The following OGDH variants were observed in gnomAD, a reference collection of about 807,000 sequenced individuals.
OGDH encodes 2-oxoglutarate dehydrogenase complex component E1.
OGDH carries 38 observed loss-of-function variants against 116.6 expected under a neutral mutation model. That is an observed-to-expected ratio of 0.33 (90% CI 0.25 to 0.43). The LOEUF (loss-of-function observed/expected upper bound fraction) is 0.43, where lower values mean the gene tolerates loss of function less well. OGDH is among the 20% of genes least tolerant of loss of function. OGDH has a pLI of 1.00. For synonymous variants in OGDH, 488 were observed against 533.3 expected (o/e 0.92, Z 1.17); for missense variants, 825 against 1,357.2 (o/e 0.61, Z 6.16).
chr7:44,621,848 A>G (rs1008504148), intron 1 of OGDH, among the ~76,000 whole-genome samples: 1 of 150,870 alleles, frequency 6.6e-6, no homozygotes, highest in Non-Finnish European at 1.5e-5. Context: ...TCCAGCCTGG[A>G]CTACAGAGCA....
chr7:44,693,167 G>A (rs893593348), intron 10 of OGDH, among the ~76,000 whole-genome samples: 1 of 152,150 alleles, frequency 6.6e-6, no homozygotes, highest in African/African-American at 2.4e-5. Flanking sequence ...AATTAGCCAG[G>A]CATGGTGGTG....
intron 2 of OGDH, among the ~76,000 whole-genome samples, chr7:44,642,662 G>A (rs1249025725): frequency 3.9e-5 from 6 of 152,152 alleles, no homozygotes; most frequent in African/African-American, 1.2e-4. Flanking sequence ...AGTGGCTTAC[G>A]CATGTAATCC....
chr7:44,703,026 T>C (rs1302439204), intron 20 of OGDH, among the ~76,000 whole-genome samples: 1 of 152,248 alleles, frequency 6.6e-6, no homozygotes, highest in African/African-American at 2.4e-5. Context: ...AGTGAAATCA[T>C]ACAGTCTTTG....
chr7:44,676,614 G>GTATATATATATATATA (rs71858267), intron 9 of OGDH: 1 of 130,766 alleles, frequency 7.6e-6, no homozygotes, highest in Non-Finnish European at 1.5e-5. Flanking sequence ...GTGTGTGTGT[G>GTATATATATATATATA]TATATATATA....
rs769776214 is a variant in OGDH, at chr7:44,697,508, G to A, written c.2179+11G>A. The stretch of plus-strand genomic sequence containing the variant: ...AGTACGGCGTGCTGGGTGAGTGCCT[G>A]GAGCCACACCACCAGGGCCTGTCAC... On this transcript the variant is annotated intron_variant, in intron 16 of 22. Coordinates refer to ENST00000222673, the MANE Select transcript of OGDH (RefSeq NM_002541.4). This position sits in a 1 kb window ranked among gnomAD's most constrained non-coding sequence, Gnocchi z 6.0. 3.7e-6 allele frequency: 6 copies of A among 1,613,922 alleles called. 1 individual carries two copies. The South Asian group carries it at 4.4e-5, about 12-fold the overall frequency.
chr7:44,656,754 T>C (rs1275510216), intron 4 of OGDH, among the ~76,000 whole-genome samples: 1 of 152,230 alleles, frequency 6.6e-6, no homozygotes, highest in Non-Finnish European at 1.5e-5. Context: ...AGGCTTTGAC[T>C]GGACTCTGGA....
In OGDH at chr7:44,697,844, A is replaced by G; in HGVS notation, c.2358+62A>G. Reference sequence around the variant, plus strand: ...TGGGAAGGGCCTGTGTAGGACCCTGACCCCAAAGACTGGCACGAGAGCCAG... The same window carrying G: ...TGGGAAGGGCCTGTGTAGGACCCTGGCCCCAAAGACTGGCACGAGAGCCAG... On this transcript the variant is annotated intron_variant, in intron 17 of 22. Coordinates refer to ENST00000222673, the MANE Select transcript of OGDH (RefSeq NM_002541.4). The surrounding 1 kb of genome is among the most constrained non-coding windows in gnomAD (Gnocchi z 6.0). 2.0e-6 allele frequency: 3 copies of G among 1,536,434 alleles called. No individual in the cohort carries two copies. The highest frequency in any genetic ancestry group is 2.6e-6 in the Non-Finnish European group (3 of 1,143,924).
At chr7:44,631,410 C>T (rs760187190) in intron 2 of OGDH, among the ~76,000 whole-genome samples, 1 of 152,114 alleles carries the variant, frequency 6.6e-6, no homozygotes, top group Non-Finnish European at 1.5e-5. Flanking sequence ...ACATTGTACC[C>T]AATAGGCAAT....
chr7:44,705,158 T>G (rs1306770017), intron 20 of OGDH, among the ~76,000 whole-genome samples: 36 of 138,850 alleles, frequency 2.6e-4, no homozygotes, highest in African/African-American at 1.0e-3. Flanking sequence ...GTTCACGCCA[T>G]TCTCCTGCCT....
At chr7:44,677,843 C>T (rs1312992224) in intron 9 of OGDH, among the ~76,000 whole-genome samples, 1 of 149,374 alleles carries the variant, frequency 6.7e-6, no homozygotes, top group Non-Finnish European at 1.5e-5. Context: ...CACTGCACTC[C>T]AGCCTGGGTG....
rs1788671993 is a variant in OGDH at position 44,698,224 on chromosome 7, G to T, written c.2391G>T (p.Arg797=). ...AACATTCCTCCGCCCGCCCAGAGCG[G>T]TTCTTGCAGATGTGCAACGATGACC... The part of the protein sequence containing the change: ...GPEHSSARPE[R]FLQMCNDDPD... The change falls in exon 18 of 23, where the codon CGG becomes CGT. Residue 797 remains arginine, a synonymous_variant. Coordinates refer to ENST00000222673, the MANE Select transcript of OGDH (RefSeq NM_002541.4). The T allele has an allele frequency of 6.2e-7, 1 of 1,614,092 alleles. No individual in the cohort carries two copies. Among genetic ancestry groups the T allele is most frequent in the African/African-American group, 1.3e-5 (1 of 74,938 alleles).
chr7:44,619,630 C>T (rs993839980), intron 1 of OGDH, among the ~76,000 whole-genome samples: 2 of 152,172 alleles, frequency 1.3e-5, no homozygotes, highest in Non-Finnish European at 2.9e-5. Context: ...TTTGCTTATC[C>T]ATTCGTCAGT....
intron 9 of OGDH, among the ~76,000 whole-genome samples, chr7:44,680,733 C>G (rs1309980004): frequency 1.3e-5 from 2 of 152,108 alleles, no homozygotes; most frequent in African/African-American, 4.8e-5. Flanking sequence ...CTTAGAGAAA[C>G]AGCTGATATT....
intron 9 of OGDH, among the ~76,000 whole-genome samples, chr7:44,680,253 C>G (rs1010919375): frequency 2.0e-5 from 3 of 152,054 alleles, no homozygotes; most frequent in Non-Finnish European, 2.9e-5. Context: ...GAAAATCATT[C>G]TCTCTCTCCC....
intron 1 of OGDH, among the ~76,000 whole-genome samples, chr7:44,609,458 C>A (rs965626068): frequency 6.7e-6 from 1 of 149,918 alleles, no homozygotes; most frequent in Non-Finnish European, 1.5e-5. Context: ...TGCGGTGAGC[C>A]GAGATCGCGC....
At position 44,645,444 on chromosome 7, in the gene OGDH, G is replaced by A. The variant is rs1786130480; in HGVS notation, c.340G>A (p.Val114Ile). Residue 114 changes from valine to isoleucine, a missense_variant, in exon 3 of 23, where the codon GTA (valine) becomes ATA (isoleucine). This residue lies in a region of OGDH where 171 missense variants were observed against 276.8 expected (regional missense o/e 0.62). Coordinates refer to ENST00000222673, the MANE Select transcript of OGDH (RefSeq NM_002541.4). The stretch of plus-strand genomic sequence containing the variant: ...TGCTGTGGCCCATGCACAGTCCCTG[G>A]TAGAAGCACAGCCCAACGTGGACAA... ...LAAVAHAQSL[V>I]EAQPNVDKLV... 6.2e-7 allele frequency: 1 copy of A among 1,614,090 alleles called. No individual in the cohort carries two copies. Among genetic ancestry groups the A allele is most frequent in the Non-Finnish European group, 8.5e-7 (1 of 1,180,050 alleles).
chr7:44,675,353 CG>C (rs1787646973), intron 8 of OGDH, 85 bp downstream of exon 8: 4 of 1,109,142 alleles, frequency 3.6e-6, no homozygotes, highest in African/African-American at 1.5e-5. Context: ...GAATGACTTA[CG>C]GGGGGTTGGT....
chr7:44,620,251 C>T (rs1318879856), intron 1 of OGDH, among the ~76,000 whole-genome samples: 1 of 152,214 alleles, frequency 6.6e-6, no homozygotes. Context: ...GAACCCCTGA[C>T]CTCAAGTGAT....
At chr7:44,679,512 C>T (rs889610469) in intron 9 of OGDH, among the ~76,000 whole-genome samples, 8 of 152,162 alleles carry the variant, frequency 5.3e-5, no homozygotes, top group African/African-American at 1.7e-4. Flanking sequence ...AAGGATGACT[C>T]AGCACAGCGC....
Sources: gnomAD v4.1 joint callset for allele counts (sites outside exome capture counted in the v4.1 genomes callset) on GRCh38, gnomAD v4.1.1 for gene constraint, gnomAD v4.1.1 regional missense constraint, Gnocchi (gnomAD v3.1) non-coding constraint, MANE v1.5 for transcripts, NCBI Gene and HGNC (gene_info 2026-07-23, HGNC 2026-07-21) for gene names.